Variants in MECOM observed in about 807,000 individuals in gnomAD.
MECOM encodes the protein MDS1 and EVI1 complex locus.
In MECOM, 13 loss-of-function variants were observed where a neutral mutation model predicts 116.3. That is an observed-to-expected ratio of 0.11 (90% CI 0.07 to 0.18). The LOEUF (loss-of-function observed/expected upper bound fraction) is 0.18. Ranked by LOEUF, MECOM falls within the 10% of genes least tolerant of loss-of-function variation. The probability of loss-of-function intolerance (pLI) is 1.00; values close to 1 mark genes in which losing one functional copy is unlikely to be tolerated. For missense variants in MECOM, 1,299 were observed against 1,509.0 expected, an observed-to-expected ratio of 0.86 and a Z score of 2.31; for synonymous variants, 528 against 535.2, an observed-to-expected ratio of 0.99 and a Z score of 0.19.
intron 2 of MECOM, among the ~76,000 whole-genome samples, chr3:169,254,971 T>C (rs1301475854): frequency 6.6e-6 from 1 of 152,128 alleles, no homozygotes; most frequent in Non-Finnish European, 1.5e-5. Context: ...TAGCCGACCA[T>C]GGAGCATGGC....
At position 169,102,166 on chromosome 3, in the gene MECOM, C is replaced by T. The variant is rs138286622; in HGVS notation, c.2665G>A (p.Ala889Thr). The change falls in exon 11 of 17, where the codon GCC (alanine) becomes ACC (threonine). Residue 889 changes from alanine (A) to threonine (T), a missense_variant. This residue lies in a region of MECOM where 340 missense variants were observed against 312.6 expected (regional missense o/e 1.09). Transcript: ENST00000651503. The stretch of plus-strand genomic sequence containing the variant: ...GGCACTGACTGTAAGAGCTCACTGG[C>T]CTCAGGTTTCAGGGCACTGAAGCTC... Reference protein sequence around the residue: ...LESFSALKPEASELLQSVPSM... With the variant: ...LESFSALKPETSELLQSVPSM... The T allele has an allele frequency of 2.7e-5, 44 of 1,613,928 alleles. No homozygotes were observed. The African/African-American group carries it at 4.4e-4, about 16-fold the overall frequency.
intron 1 of MECOM, chr3:169,484,190 T>C (rs972618486): frequency 1.2e-5 from 7 of 607,042 alleles, no homozygotes; most frequent in African/African-American, 5.5e-5. Context: ...CTGCTTGCAC[T>C]TATTGATGAG....
intron 1 of MECOM, among the ~76,000 whole-genome samples, chr3:169,637,921 A>G (rs992271542): frequency 9.8e-5 from 15 of 152,364 alleles, no homozygotes; most frequent in African/African-American, 3.6e-4. Flanking sequence ...GCAATCCAGC[A>G]TGAAAGGTAA....
At chr3:169,564,046 G>C (rs1347504624) in intron 1 of MECOM, among the ~76,000 whole-genome samples, 4 of 152,036 alleles carry the variant, frequency 2.6e-5, no homozygotes, top group Non-Finnish European at 5.9e-5. Context: ...TCTTATCAAA[G>C]ATGATTATTT....
chr3:169,549,242 G>A (rs1234433470), intron 1 of MECOM, among the ~76,000 whole-genome samples: 2 of 152,068 alleles, frequency 1.3e-5, no homozygotes, highest in Non-Finnish European at 2.9e-5. Context: ...AAAGTGCTGG[G>A]ATTACAGGTG....
At chr3:169,112,648 C>T (rs1447969702) in intron 9 of MECOM, 139 bp downstream of exon 9, 11 of 675,420 alleles carry the variant, frequency 1.6e-5, no homozygotes, top group South Asian at 1.2e-4. Flanking sequence ...TTTAATTCTG[C>T]TAGAATTTCC....
intron 1 of MECOM, chr3:169,477,101 GTGTGTATATATATATATATATATATATA>G (rs1425521742): frequency 1.9e-5 from 1 of 51,678 alleles, no homozygotes; most frequent in Non-Finnish European, 3.2e-5. Flanking sequence ...GTGTGTGTGT[GTGTGTATATATATATATATATATATATA>G]TATATATATA....
intron 1 of MECOM, among the ~76,000 whole-genome samples, chr3:169,437,891 G>C (rs1742931951): frequency 6.6e-6 from 1 of 152,106 alleles, no homozygotes; most frequent in South Asian, 2.1e-4. Flanking sequence ...GACAAGAAAT[G>C]CATAAAAATC....
chr3:169,251,117 A>G (rs1197876263), intron 2 of MECOM, among the ~76,000 whole-genome samples: 3 of 152,206 alleles, frequency 2.0e-5, no homozygotes, highest in Non-Finnish European at 4.4e-5. Context: ...AGCAATTTTA[A>G]CATTTCTATT....
intron 5 of MECOM, among the ~76,000 whole-genome samples, chr3:169,125,888 AC>A (rs1416502540): frequency 1.3e-5 from 2 of 152,132 alleles, no homozygotes; most frequent in Non-Finnish European, 2.9e-5. Flanking sequence ...CAGCAGAAGA[AC>A]AGATCAAATC....
chr3:169,650,553 G>C (rs912362829), intron 1 of MECOM, among the ~76,000 whole-genome samples: 2 of 152,118 alleles, frequency 1.3e-5, no homozygotes, highest in African/African-American at 4.8e-5. Context: ...GAATAATCCT[G>C]TAAGCTTGAA....
chr3:169,503,173 T>C (rs535202961), intron 1 of MECOM, among the ~76,000 whole-genome samples: 1 of 152,174 alleles, frequency 6.6e-6, no homozygotes, highest in Non-Finnish European at 1.5e-5. Context: ...CAAGTTCACA[T>C]AACCAAAAAA....
In MECOM at chr3:169,304,967, G is replaced by A. The variant is rs78179301; in HGVS notation, c.375+76220C>T. Among the ~76,000 whole-genome samples, 421 of 152,270 alleles carry A rather than the reference G, an allele frequency of 2.8e-3. 5 individuals carry two copies. The highest frequency in any genetic ancestry group is 9.7e-3 in the African/African-American group (403 of 41,556). ...CTGATACTCAAAAAACATTTGTAAC[G>A]ATAAGATCTTTGAAAGGGTAGCTTA... On this transcript the variant is annotated intron_variant, in intron 2 of 16. Coordinates refer to ENST00000651503, the MANE Select transcript of MECOM (RefSeq NM_004991.4).
intron 1 of MECOM, among the ~76,000 whole-genome samples, chr3:169,649,067 A>G (rs1774535087): frequency 6.6e-6 from 1 of 152,222 alleles, no homozygotes; most frequent in Non-Finnish European, 1.5e-5. Flanking sequence ...TTGTATTTCT[A>G]TAAAGTGTTT....
chr3:169,524,722 G>C (rs1183833120), intron 1 of MECOM, among the ~76,000 whole-genome samples: 11 of 152,090 alleles, frequency 7.2e-5, no homozygotes, highest in Admixed American at 3.3e-4. Flanking sequence ...GGCCTCTCTT[G>C]CTTTAATTTG....
intron 1 of MECOM, among the ~76,000 whole-genome samples, chr3:169,571,705 G>A (rs1763932672): frequency 6.6e-6 from 1 of 152,140 alleles, no homozygotes; most frequent in South Asian, 2.1e-4. Flanking sequence ...ACAACCATCT[G>A]ATCTTTGACA....
At chr3:169,152,990 T>C (rs1164310654) in intron 2 of MECOM, among the ~76,000 whole-genome samples, 2 of 152,200 alleles carry the variant, frequency 1.3e-5, no homozygotes, top group Admixed American at 6.5e-5. Flanking sequence ...TAAATTATTA[T>C]ACTCAAAGTT....
At chr3:169,484,987 CTTATTTATTTAT>C (rs61274643) in intron 1 of MECOM, among the ~76,000 whole-genome samples, 7 of 151,514 alleles carry the variant, frequency 4.6e-5, no homozygotes, top group African/African-American at 1.7e-4. Context: ...TTTACTCTTG[CTTATTTATTTAT>C]TTATTTATTT....
chr3:169,440,576 G>C (rs1360499596), intron 1 of MECOM, among the ~76,000 whole-genome samples: 1 of 151,414 alleles, frequency 6.6e-6, no homozygotes, highest in Non-Finnish European at 1.5e-5. Flanking sequence ...GGGTTGGGGT[G>C]GGGGAAGACA....
Sources: gnomAD v4.1 joint callset for allele counts (sites outside exome capture counted in the v4.1 genomes callset) on GRCh38, gnomAD v4.1.1 for gene constraint, gnomAD v4.1.1 regional missense constraint, MANE v1.5 for transcripts, NCBI Gene and HGNC (gene_info 2026-07-23, HGNC 2026-07-21) for gene names.